STARD6: variants seen among roughly 807,000 people sequenced by gnomAD.
The protein encoded by STARD6 is stAR-related lipid transfer protein 6.
STARD6 carries 21 observed loss-of-function variants against 22.3 expected under a neutral mutation model. That is an observed-to-expected ratio of 0.94 (90% CI 0.67 to 1.35). STARD6 has a LOEUF of 1.35. Ranked by LOEUF, STARD6 falls within the 40% of genes most tolerant of loss-of-function variation. STARD6 has a pLI of 0.00. For missense variants in STARD6, 269 were observed against 266.9 expected (o/e 1.01, Z -0.05); for synonymous variants, 80 against 88.1 (o/e 0.91, Z 0.52).
At chr18:54,335,698 T>G (rs1314392998) in intron 5 of STARD6, among the ~76,000 whole-genome samples, 1 of 152,156 alleles carries the variant, frequency 6.6e-6, no homozygotes, top group African/African-American at 2.4e-5. Flanking sequence ...CCAATTGCTG[T>G]TCTCATGATA....
intron 3 of STARD6, 93 bp from the exon 4 acceptor site, chr18:54,354,196 CTGGTTTGTAAAAGAAAAAAATATATA>C: frequency 1.2e-6 from 1 of 860,960 alleles, no homozygotes; most frequent in Non-Finnish European, 1.8e-6. Context: ...ACTTTTTTTT[CTGGTTTGTAAAAGAAAAAAATATATA>C]TATATATTTT....
chr18:54,342,030 G>T (rs899443817), intron 4 of STARD6, among the ~76,000 whole-genome samples: 1 of 151,982 alleles, frequency 6.6e-6, no homozygotes, highest in African/African-American at 2.4e-5. Context: ...CTAGATGTAC[G>T]CAAAAAAAGA....
intron 4 of STARD6, among the ~76,000 whole-genome samples, chr18:54,346,915 G>A (rs1257273970): frequency 3.9e-5 from 6 of 152,106 alleles, no homozygotes; most frequent in Non-Finnish European, 5.9e-5. Flanking sequence ...CGGATAATGG[G>A]AAGTAAATGC....
At chr18:54,356,088 T>TA (rs1396053026) in intron 2 of STARD6, among the ~76,000 whole-genome samples, 4 of 152,156 alleles carry the variant, frequency 2.6e-5, no homozygotes, top group Non-Finnish European at 5.9e-5. Context: ...AGTTTCTCTT[T>TA]AAAAAAATGG....
At chr18:54,350,821 T>C (rs2089088971) in intron 4 of STARD6, among the ~76,000 whole-genome samples, 3 of 152,220 alleles carry the variant, frequency 2.0e-5, no homozygotes. Flanking sequence ...CTGGGTTCTC[T>C]ATTCTGTTCC....
intron 7 of STARD6, among the ~76,000 whole-genome samples, chr18:54,326,272 A>ATT (rs920711547): frequency 7.2e-6 from 1 of 139,558 alleles, no homozygotes; most frequent in East Asian, 2.1e-4. Context: ...AAGTCATGCC[A>ATT]TTTTTTTTTT....
chr18:54,328,237 T>C (rs1290264960), intron 7 of STARD6, among the ~76,000 whole-genome samples: 2 of 152,196 alleles, frequency 1.3e-5, no homozygotes, highest in East Asian at 3.8e-4. Flanking sequence ...TTTATTTGTG[T>C]TTACAATGGC....
rs865940479 is a variant in STARD6 at position 54,324,717 on chromosome 18, C to A, written c.638G>T (p.Gly213Val). ...TCATGAATGACTATTATGATGAAAT[C>A]CACGTCTTGATGGAGTTCTGTGTGC... ...IKAHRTPSRR[G>V]FHHNSHS Residue 213 changes from glycine to valine, a missense_variant, in exon 8 of 8, where the codon GGA (glycine) becomes GTA (valine). Physicochemically the swap from Gly to Val is moderately radical, Grantham distance 109. Coordinates refer to ENST00000307844, the MANE Select transcript of STARD6 (RefSeq NM_139171.2). 1.2e-6 allele frequency: 2 copies of A among 1,613,236 alleles called. No homozygotes were observed. The highest frequency in any genetic ancestry group is 1.7e-6 in the Non-Finnish European group (2 of 1,179,632).
chr18:54,332,444 G>A (rs1228051740), intron 5 of STARD6, among the ~76,000 whole-genome samples: 15 of 152,130 alleles, frequency 9.9e-5, no homozygotes, highest in Admixed American at 7.9e-4. Flanking sequence ...CCTGTTGAGC[G>A]GTTTCAGTTC....
At chr18:54,351,547 A>G (rs1270112286) in intron 4 of STARD6, among the ~76,000 whole-genome samples, 3 of 152,164 alleles carry the variant, frequency 2.0e-5, no homozygotes, top group Non-Finnish European at 4.4e-5. Context: ...AATGCTTTCA[A>G]CTTTTCCCTG....
chr18:54,324,508 AT>A lies in STARD6; in HGVS notation c.*183del. On this transcript the variant is annotated 3_prime_UTR_variant, in exon 8 of 8. Transcript: ENST00000307844. ...ATTCTTACGTGAGATTAAAAACGGT[AT>A]TTAATGCCATATTCTTGTACAACTA... The A allele has an allele frequency of 2.1e-6, 1 of 486,284 alleles. No homozygotes were observed. The allele number at this position is 486,284 out of a possible 1,614,324, so 30.1% of individuals were successfully genotyped here.
chr18:54,333,440 ACT>A (rs904671211), intron 5 of STARD6, among the ~76,000 whole-genome samples: 12 of 152,116 alleles, frequency 7.9e-5, no homozygotes, highest in Admixed American at 7.9e-4. Context: ...ACAGAGCGAG[ACT>A]CTGTCTCAAA....
intron 4 of STARD6, among the ~76,000 whole-genome samples, chr18:54,351,902 T>G (rs2089100508): frequency 2.5e-5 from 1 of 39,266 alleles, no homozygotes; most frequent in Admixed American, 3.3e-4. Context: ...TTGGTCCGTT[T>G]TTTTTTTTTT....
rs1316183837 is a variant in STARD6, at chr18:54,343,445, C to A, written c.141-6194G>T. 6.1e-5 allele frequency among the ~76,000 whole-genome samples: 8 copies of A among 131,974 alleles called. No individual in the cohort carries two copies. The East Asian group carries it at 1.8e-3, about 30-fold the overall frequency. 86.6% of individuals were successfully genotyped at this position (131,974 alleles called of 152,430 possible). A position where few individuals can be genotyped will look rare whatever the true frequency, so the allele number is the denominator to read the frequency against. On this transcript the variant is annotated intron_variant, in intron 4 of 7. Coordinates refer to ENST00000307844, the MANE Select transcript of STARD6 (RefSeq NM_139171.2). Reference sequence around the variant, plus strand: ...GGGGGTCAGCCCCCTGCCCGGCCAGCCGCCCGGTCTGGGAGGTGAGGGGCG... The same window carrying A: ...GGGGGTCAGCCCCCTGCCCGGCCAGACGCCCGGTCTGGGAGGTGAGGGGCG...
intron 4 of STARD6, among the ~76,000 whole-genome samples, chr18:54,341,446 C>CT (rs2088968751): frequency 6.6e-6 from 1 of 152,108 alleles, no homozygotes; most frequent in African/African-American, 2.4e-5. Flanking sequence ...TAAGAGACAC[C>CT]TATGGAACAC....
At chr18:54,336,398 C>T (rs2088912903) in intron 5 of STARD6, among the ~76,000 whole-genome samples, 1 of 152,092 alleles carries the variant, frequency 6.6e-6, no homozygotes, top group Admixed American at 6.5e-5. Context: ...CTCCTGCTGC[C>T]CAGTGAAGAA....
chr18:54,335,924 T>A (rs191685791), intron 5 of STARD6, among the ~76,000 whole-genome samples: 1 of 152,168 alleles, frequency 6.6e-6, no homozygotes, highest in Non-Finnish European at 1.5e-5. Flanking sequence ...AAACCTTTTT[T>A]CTTCATAAAT....
chr18:54,353,773 T>C (rs550473447), intron 4 of STARD6, among the ~76,000 whole-genome samples: 2 of 152,228 alleles, frequency 1.3e-5, no homozygotes, highest in African/African-American at 2.4e-5. Flanking sequence ...AATACCAATC[T>C]GCTTTTATAG....
intron 4 of STARD6, among the ~76,000 whole-genome samples, chr18:54,345,630 A>C (rs1356372616): frequency 6.6e-6 from 1 of 152,192 alleles, no homozygotes; most frequent in Admixed American, 6.5e-5. Context: ...TAGCCAAGAT[A>C]GTCTTGAAAA....
Sources: allele counts gnomAD v4.1 joint callset (sites outside exome capture counted in the v4.1 genomes callset), GRCh38; gene constraint gnomAD v4.1.1; transcripts MANE v1.5; gene names NCBI Gene and HGNC (gene_info 2026-07-23, HGNC 2026-07-21).